The following RNF17 variants were observed in gnomAD, a reference collection of about 807,000 sequenced individuals.
RNF17 encodes ring finger protein 17, also known as spermatogenesis associated 23.
Under a neutral mutation model 200.5 loss-of-function variants are expected in RNF17, and 31 were observed. The ratio of observed to expected loss-of-function variants is 0.15; its 90% confidence interval spans 0.12 to 0.21. The LOEUF is 0.21. RNF17 is among the 10% of genes least tolerant of loss of function. The probability of loss-of-function intolerance (pLI) is 1.00; values close to 1 mark genes in which losing one functional copy is unlikely to be tolerated. For synonymous variants in RNF17, 606 were observed against 637.8 expected, an observed-to-expected ratio of 0.95 and a Z score of 0.75; for missense variants, 1,628 against 1,905.1, an observed-to-expected ratio of 0.85 and a Z score of 2.71.
chr13:24,757,941 T>C, the RNF17 span, among the ~76,000 whole-genome samples: 3 of 152,088 alleles, frequency 2.0e-5, no homozygotes, highest in Non-Finnish European at 4.4e-5. Context: ...TGGGGGTGGA[T>C]CCTTCATGAA....
intron 11 of RNF17, 107 bp downstream of exon 11, chr13:24,796,402 C>A: frequency 1.5e-6 from 1 of 645,640 alleles, no homozygotes; most frequent in Non-Finnish European, 2.4e-6. Flanking sequence ...GCTCTAAGTT[C>A]ATTTGTAGTA....
At chr13:24,795,200 A>G (rs1048500127) in intron 10 of RNF17, among the ~76,000 whole-genome samples, 1 of 151,976 alleles carries the variant, frequency 6.6e-6, no homozygotes, top group Non-Finnish European at 1.5e-5. Flanking sequence ...CACTCCTCCT[A>G]GTCTTTGTTT....
intron 6 of RNF17, among the ~76,000 whole-genome samples, chr13:24,783,334 T>C (rs1882683458): frequency 1.3e-5 from 2 of 152,244 alleles, no homozygotes; most frequent in African/African-American, 4.8e-5. Context: ...GTGTGAGTCC[T>C]ACAACTTTGT....
At chr13:24,841,913 C>A in intron 18 of RNF17, 128 bp from the exon 19 acceptor site, 1 of 635,582 alleles carries the variant, frequency 1.6e-6, no homozygotes, top group Non-Finnish European at 2.6e-6. Flanking sequence ...TTGCAGTGAG[C>A]TGAGATCGTG....
At chr13:24,827,723 A>C (rs1046783777) in intron 16 of RNF17, among the ~76,000 whole-genome samples, 1 of 148,154 alleles carries the variant, frequency 6.7e-6, no homozygotes, top group African/African-American at 2.5e-5. Context: ...AAAAACAAAA[A>C]AAAAAAAACA....
intron 11 of RNF17, among the ~76,000 whole-genome samples, chr13:24,797,862 A>C (rs1232620593): frequency 2.0e-5 from 3 of 152,060 alleles, no homozygotes; most frequent in African/African-American, 7.3e-5. Flanking sequence ...AGAATGAATA[A>C]ATAAATATAT....
chr13:24,777,247 T>G (rs9507409), intron 3 of RNF17, among the ~76,000 whole-genome samples: 35,210 of 152,180 alleles, frequency 0.23, 4,562 homozygotes, highest in Non-Finnish European at 0.29. Context: ...GAATAGAATG[T>G]TTAAAAATTA....
intron 34 of RNF17, among the ~76,000 whole-genome samples, chr13:24,878,744 G>A (rs1238363713): frequency 6.6e-6 from 1 of 151,544 alleles, no homozygotes; most frequent in Non-Finnish European, 1.5e-5. Context: ...TAGAGAGTGG[G>A]TCTTCCTCTC....
chr13:24,862,624 GT>G (rs1893211564), intron 27 of RNF17, 88 bp from the exon 28 acceptor site: 1 of 770,076 alleles, frequency 1.3e-6, no homozygotes, highest in Admixed American at 1.8e-5. Flanking sequence ...GATATTATTT[GT>G]TTATGGCTAC....
At chr13:24,759,793 T>C (rs949971353), upstream of RNF17, among the ~76,000 whole-genome samples, 2 of 152,154 alleles carry the variant, frequency 1.3e-5, no homozygotes, top group African/African-American at 4.8e-5. Flanking sequence ...AACAAAACTT[T>C]AGGAGACTGT....
At chr13:24,874,612 A>G (rs1894664716) in intron 33 of RNF17, among the ~76,000 whole-genome samples, 1 of 151,940 alleles carries the variant, frequency 6.6e-6, no homozygotes, top group Non-Finnish European at 1.5e-5. Flanking sequence ...GGGTTTCGCC[A>G]TGTTGGCCAG....
At chr13:24,857,462 A>T (rs945904444) in intron 25 of RNF17, among the ~76,000 whole-genome samples, 18 of 152,186 alleles carry the variant, frequency 1.2e-4, no homozygotes, top group African/African-American at 4.1e-4. Flanking sequence ...TGACTCTTAG[A>T]TCAGGACTAG....
At chr13:24,820,905 G>A (rs1157080089) in intron 15 of RNF17, among the ~76,000 whole-genome samples, 6 of 152,192 alleles carry the variant, frequency 3.9e-5, no homozygotes, top group Middle Eastern at 3.4e-3. Flanking sequence ...ATCCTATTTG[G>A]AGTCTAATAG....
chr13:24,878,734 T>C (rs375709398), intron 34 of RNF17, among the ~76,000 whole-genome samples: 2 of 152,276 alleles, frequency 1.3e-5, no homozygotes, highest in East Asian at 3.9e-4. Flanking sequence ...CCTGCCCACA[T>C]AGAGAGTGGG....
At chr13:24,867,254 C>T (rs1019514667) in intron 30 of RNF17, among the ~76,000 whole-genome samples, 6 of 152,220 alleles carry the variant, frequency 3.9e-5, no homozygotes, top group South Asian at 2.1e-4. Context: ...TCTTGAACTC[C>T]GGGGCTCAAG....
intron 34 of RNF17, among the ~76,000 whole-genome samples, chr13:24,878,528 G>A (rs1191690581): frequency 6.6e-6 from 1 of 152,176 alleles, no homozygotes; most frequent in Admixed American, 6.5e-5. Context: ...TCAGAACTAG[G>A]GAAGCTGACA....
At chr13:24,810,094 G>T (rs1344884666) in intron 15 of RNF17, among the ~76,000 whole-genome samples, 4 of 150,328 alleles carry the variant, frequency 2.7e-5, no homozygotes, top group Non-Finnish European at 6.0e-5. Flanking sequence ...GTGTGGTGTG[G>T]TGCTGAAAAA....
chr13:24,760,613 T>C (rs547807824), upstream of RNF17, among the ~76,000 whole-genome samples: 6 of 151,988 alleles, frequency 3.9e-5, no homozygotes, highest in East Asian at 1.2e-3. Context: ...AAAGCAAAAA[T>C]AGACAAACAG....
In RNF17 at chr13:24,843,902, A is replaced by G. The variant is rs1200102353; in HGVS notation, c.2762A>G (p.His921Arg). 2.5e-6 allele frequency: 4 copies of G among 1,599,818 alleles called. No homozygotes were observed. The highest frequency in any genetic ancestry group is 2.7e-5 in the African/African-American group (2 of 74,270). Residue 921 changes from histidine to arginine, a missense_variant, in exon 20 of 36, where the codon CAT (histidine) becomes CGT (arginine). By Grantham distance (29) the His-to-Arg change is conservative. This residue lies in a region of RNF17 where 227 missense variants were observed against 319.8 expected (regional missense o/e 0.71). Coordinates refer to ENST00000255324, the MANE Select transcript of RNF17 (RefSeq NM_031277.3). ...CTTTATAATAAGGAATTGCCTGTGC[A>G]TATCTGTAATGTAATATCTCCTGAG... ...QSLYNKELPV[H>R]ICNVISPEKI... is the part of the protein sequence containing the mutation.
Sources: allele counts gnomAD v4.1 joint callset (sites outside exome capture counted in the v4.1 genomes callset), GRCh38; gene constraint gnomAD v4.1.1; regional missense constraint gnomAD v4.1.1; transcripts MANE v1.5; gene names NCBI Gene and HGNC (gene_info 2026-07-23, HGNC 2026-07-21).